Variants in TNNI3K observed in about 807,000 individuals in gnomAD.
The protein encoded by TNNI3K is TNNI3 interacting kinase, also known as serine/threonine-protein kinase TNNI3K.
In TNNI3K, 140 loss-of-function variants were observed where a neutral mutation model predicts 114.5. That is an observed-to-expected ratio of 1.22 (90% confidence interval 1.07 to 1.41). The LOEUF (loss-of-function observed/expected upper bound fraction) is 1.41, where lower values mean the gene tolerates loss of function less well. TNNI3K is among the 40% of genes most tolerant of loss of function. TNNI3K has a pLI of 0.00. For missense variants in TNNI3K, 1,125 were observed against 1,007.6 expected (o/e 1.12, Z -1.58); for synonymous variants, 347 against 347.5 (o/e 1.00, Z 0.02).
At chr1:74,521,254 C>A (rs962599094) in intron 23 of TNNI3K, among the ~76,000 whole-genome samples, 2 of 152,162 alleles carry the variant, frequency 1.3e-5, no homozygotes, top group Non-Finnish European at 2.9e-5. Flanking sequence ...TCTGTGCGAT[C>A]TTGCCCAAGC....
At chr1:74,272,948 C>T (rs1656441825) in intron 5 of TNNI3K, among the ~76,000 whole-genome samples, 1 of 151,856 alleles carries the variant, frequency 6.6e-6, no homozygotes, top group Non-Finnish European at 1.5e-5. Flanking sequence ...ACACCAATAG[C>T]TCAACAATGT....
chr1:74,499,749 C>A (rs1220534501), intron 23 of TNNI3K, among the ~76,000 whole-genome samples: 2 of 152,026 alleles, frequency 1.3e-5, no homozygotes, highest in African/African-American at 2.4e-5. Flanking sequence ...GATCTGACAT[C>A]TTTATAATAT....
intron 23 of TNNI3K, among the ~76,000 whole-genome samples, chr1:74,532,119 G>A (rs6698760): frequency 0.5 from 76,601 of 151,832 alleles, 20,306 homozygotes; most frequent in East Asian, 0.73. Flanking sequence ...CATGCATGCA[G>A]CTTAAAAAAT....
intron 24 of TNNI3K, among the ~76,000 whole-genome samples, chr1:74,541,951 G>T (rs527242109): frequency 1.3e-5 from 2 of 152,296 alleles, no homozygotes; most frequent in South Asian, 2.1e-4. Flanking sequence ...AGCAGAGCTC[G>T]AAAATGGAGA....
intron 21 of TNNI3K, among the ~76,000 whole-genome samples, chr1:74,486,329 A>G (rs1203141358): frequency 6.6e-6 from 1 of 151,258 alleles, no homozygotes; most frequent in African/African-American, 2.4e-5. Flanking sequence ...GGTAGCTGTC[A>G]TTTACATTTT....
intron 17 of TNNI3K, among the ~76,000 whole-genome samples, chr1:74,430,238 C>A (rs1527684): frequency 0.61 from 92,437 of 151,878 alleles, 32,764 homozygotes; most frequent in East Asian, 0.81. Context: ...CAGTGCATAA[C>A]CAACTGATTA....
chr1:74,364,768 G>C (rs1177344010), intron 11 of TNNI3K, among the ~76,000 whole-genome samples: 1 of 151,332 alleles, frequency 6.6e-6, no homozygotes, highest in Non-Finnish European at 1.5e-5. Flanking sequence ...TGCTGGCTTT[G>C]AAGCAATAGG....
intron 9 of TNNI3K, 144 bp from the exon 10 acceptor site, chr1:74,353,122 A>T (rs1661463664): frequency 2.3e-6 from 2 of 863,200 alleles, no homozygotes; most frequent in Non-Finnish European, 3.5e-6. Flanking sequence ...CTCTTTAAAG[A>T]TACAATCCCT....
intron 17 of TNNI3K, among the ~76,000 whole-genome samples, chr1:74,387,849 A>G (rs945409808): frequency 1.3e-5 from 2 of 152,228 alleles, no homozygotes; most frequent in Non-Finnish European, 2.9e-5. Context: ...TGTCTGGCAC[A>G]TAGTAGATAT....
At chr1:74,258,093 C>T (rs1182453741) in intron 4 of TNNI3K, among the ~76,000 whole-genome samples, 2 of 152,110 alleles carry the variant, frequency 1.3e-5, no homozygotes, top group Non-Finnish European at 2.9e-5. Flanking sequence ...CTCTTCATAC[C>T]AGCTGACAGG....
intron 6 of TNNI3K, 139 bp from the exon 7 acceptor site, chr1:74,335,872 G>T (rs942149850): frequency 1.2e-5 from 10 of 832,682 alleles, no homozygotes; most frequent in Non-Finnish European, 1.8e-5. Context: ...CCCTAGAATT[G>T]TTCCAGTTTT....
intron 23 of TNNI3K, among the ~76,000 whole-genome samples, chr1:74,512,111 C>A (rs1466816960): frequency 6.6e-6 from 1 of 152,158 alleles, no homozygotes; most frequent in East Asian, 1.9e-4. Context: ...CTGGATGGGA[C>A]TGGATATAGC....
intron 23 of TNNI3K, among the ~76,000 whole-genome samples, chr1:74,520,459 T>G (rs1646415974): frequency 2.6e-5 from 4 of 152,012 alleles, no homozygotes; most frequent in Admixed American, 2.6e-4. Flanking sequence ...GAAATCGACC[T>G]TCTCATTTCT....
intron 9 of TNNI3K, among the ~76,000 whole-genome samples, chr1:74,347,129 T>G (rs1414790743): frequency 6.7e-6 from 1 of 149,662 alleles, no homozygotes; most frequent in Non-Finnish European, 1.5e-5. Flanking sequence ...TACGTATATC[T>G]CCTAATGCTA....
At chr1:74,263,689 T>A (rs1360098779) in intron 4 of TNNI3K, among the ~76,000 whole-genome samples, 2 of 151,908 alleles carry the variant, frequency 1.3e-5, no homozygotes. Flanking sequence ...AAACATTAAT[T>A]TCTCTTCCAA....
chr1:74,235,827 A>G (rs1452851464), intron 1 of TNNI3K, among the ~76,000 whole-genome samples: 7 of 151,504 alleles, frequency 4.6e-5, no homozygotes, highest in African/African-American at 1.5e-4. Flanking sequence ...AGAGATTGCT[A>G]TAATTAAAAT....
chr1:74,418,114 G>T (rs1665218596), intron 17 of TNNI3K: 1 of 447,242 alleles, frequency 2.2e-6, no homozygotes, highest in Admixed American at 2.4e-5. Context: ...ATATGGGACT[G>T]TGGGAAGTCT....
intron 17 of TNNI3K, among the ~76,000 whole-genome samples, chr1:74,420,728 T>C (rs1665354745): frequency 6.6e-6 from 1 of 152,142 alleles, no homozygotes; most frequent in South Asian, 2.1e-4. Flanking sequence ...GTTTTAGCAA[T>C]AGCTATAATA....
At chr1:74,487,481 T>C (rs936817556) in intron 21 of TNNI3K, among the ~76,000 whole-genome samples, 2 of 152,124 alleles carry the variant, frequency 1.3e-5, no homozygotes, top group Non-Finnish European at 2.9e-5. Context: ...AGGGTCAAGA[T>C]TTTGAAGTGA....
Sources: gnomAD v4.1 joint callset for allele counts (sites outside exome capture counted in the v4.1 genomes callset) on GRCh38, gnomAD v4.1.1 for gene constraint, MANE v1.5 for transcripts, NCBI Gene and HGNC (gene_info 2026-07-23, HGNC 2026-07-21) for gene names.